The following ARHGAP28 variants were observed in gnomAD, a reference collection of about 807,000 sequenced individuals.
ARHGAP28 encodes Rho GTPase activating protein 28.
Under a neutral mutation model 90.7 loss-of-function variants are expected in ARHGAP28, and 56 were observed. The observed-to-expected ratio is 0.62, with a 90% CI of 0.50 to 0.77. ARHGAP28 has a LOEUF of 0.77. Ranked by LOEUF, ARHGAP28 falls within the 30% of genes least tolerant of loss-of-function variation. The probability of loss-of-function intolerance (pLI) is 0.00; values close to 1 mark genes in which losing one functional copy is unlikely to be tolerated. For missense variants in ARHGAP28, 869 were observed against 900.9 expected (o/e 0.96, Z 0.45); for synonymous variants, 308 against 323.3 (o/e 0.95, Z 0.51).
At chr18:6,771,651 C>T (rs2056243839) in intron 1 of ARHGAP28, among the ~76,000 whole-genome samples, 1 of 152,182 alleles carries the variant, frequency 6.6e-6, no homozygotes, top group Non-Finnish European at 1.5e-5. Context: ...GATCTGTGGT[C>T]CTTAGTGACC....
At position 6,896,899 on chromosome 18, in the gene ARHGAP28, CTTTTATTTTA is replaced by C. The variant is rs1222805432; in HGVS notation, c.2030+287_2030+296del. 2.3e-5 allele frequency: 6 copies of C among 263,556 alleles called. No homozygotes were observed. The East Asian group carries it at 4.5e-4, about 20-fold the overall frequency. 16.3% of individuals were successfully genotyped at this position (263,556 alleles called of 1,614,324 possible). On this transcript the variant is annotated intron_variant, in intron 16 of 17. Transcript: ENST00000383472. ...GCTTCATTTATTCAGTGAGTTTTAC[CTTTTATTTTA>C]TTTTATTTTATTTATTTTTTGAGAT... is the stretch of plus-strand genomic sequence containing the variant.
intron 1 of ARHGAP28, among the ~76,000 whole-genome samples, chr18:6,812,756 T>C (rs2056565962): frequency 6.6e-6 from 1 of 152,172 alleles, no homozygotes; most frequent in Non-Finnish European, 1.5e-5. Context: ...ATCAAATTAT[T>C]TATTTGATTC....
rs751248905 is a variant in ARHGAP28 at position 6,887,142 on chromosome 18, C to G, written c.1454-15C>G. On this transcript the variant is annotated splice_polypyrimidine_tract_variant and intron_variant, in intron 11 of 17. Coordinates refer to ENST00000383472, the MANE Select transcript of ARHGAP28 (RefSeq NM_001366230.1). ...GGCTATTTAAAATGTATGACTATTT[C>G]TGTTTTCTTGTTAGGAGGGCCTCAC... 7.5e-6 allele frequency: 12 copies of G among 1,610,300 alleles called. No individual in the cohort carries two copies. In the Admixed American group the frequency reaches 1.7e-4, roughly 22 times the overall value.
intron 10 of ARHGAP28, among the ~76,000 whole-genome samples, chr18:6,881,773 A>G (rs1000146518): frequency 6.6e-6 from 1 of 152,206 alleles, no homozygotes; most frequent in Non-Finnish European, 1.5e-5. Flanking sequence ...AGGGATTATG[A>G]AAAGAGGGGG....
At chr18:6,871,139 A>T (rs1474603701) in intron 7 of ARHGAP28, among the ~76,000 whole-genome samples, 2 of 152,058 alleles carry the variant, frequency 1.3e-5, no homozygotes, top group Non-Finnish European at 2.9e-5. Context: ...GTGCACGGGG[A>T]TTTCAGCGGC....
intron 1 of ARHGAP28, among the ~76,000 whole-genome samples, chr18:6,798,587 A>C (rs1300202301): frequency 6.6e-6 from 1 of 152,214 alleles, no homozygotes; most frequent in Non-Finnish European, 1.5e-5. Flanking sequence ...TAGGTGAAGT[A>C]ACTCAGGAAT....
rs2056907733 is a variant in ARHGAP28, at chr18:6,851,150, G to A, written c.636+24G>A. 1.2e-5 allele frequency: 20 copies of A among 1,601,998 alleles called. No individual in the cohort carries two copies. The East Asian group carries it at 4.2e-4, about 34-fold the overall frequency. ...TGGTAAGTTATAGTTGTGGGGGGAT[G>A]GTGGTAGGCATGAAATAAGCCATTT... On this transcript the variant is annotated intron_variant, in intron 4 of 17. Coordinates refer to ENST00000383472, the MANE Select transcript of ARHGAP28 (RefSeq NM_001366230.1).
chr18:6,802,832 T>C (rs569777600), intron 1 of ARHGAP28, among the ~76,000 whole-genome samples: 1 of 152,318 alleles, frequency 6.6e-6, no homozygotes, highest in South Asian at 2.1e-4. Context: ...ATCTTGCACA[T>C]CTTTTGTTAG....
Position 6,859,915 on chromosome 18 carries a change from GCA to G in ARHGAP28, c.726+21_726+22del. On this transcript the variant is annotated intron_variant, in intron 5 of 17. Coordinates refer to ENST00000383472, the MANE Select transcript of ARHGAP28 (RefSeq NM_001366230.1). The stretch of plus-strand genomic sequence containing the variant: ...ACTCTGTGGTAAGTCATCCATGTCA[GCA>G]CAGTTACATGTCAAGGTACAGTTGC... 10 of 1,604,988 alleles carry G rather than the reference GCA, an allele frequency of 6.2e-6. No homozygotes were observed. Among genetic ancestry groups the G allele is most frequent in the Non-Finnish European group, 8.5e-6 (10 of 1,172,014 alleles).
intron 1 of ARHGAP28, among the ~76,000 whole-genome samples, chr18:6,770,187 A>G (rs2056230999): frequency 6.6e-6 from 1 of 152,240 alleles, no homozygotes; most frequent in South Asian, 2.1e-4. Flanking sequence ...ATGGACATAA[A>G]TGATCTTCTC....
chr18:6,764,260 C>T (rs2056183583), intron 1 of ARHGAP28, among the ~76,000 whole-genome samples: 2 of 152,046 alleles, frequency 1.3e-5, no homozygotes, highest in African/African-American at 4.8e-5. Context: ...GTGTATAAGC[C>T]CACGTCCAAA....
At chr18:6,744,746 G>A (rs1432828057) in intron 1 of ARHGAP28, among the ~76,000 whole-genome samples, 1 of 152,080 alleles carries the variant, frequency 6.6e-6, no homozygotes, top group African/African-American at 2.4e-5. Context: ...GAAAAATGTA[G>A]CCTGTCCAAT....
intron 5 of ARHGAP28, among the ~76,000 whole-genome samples, chr18:6,867,542 A>C (rs1192514958): frequency 6.6e-6 from 1 of 152,150 alleles, no homozygotes; most frequent in Non-Finnish European, 1.5e-5. Context: ...ATAGGTACTC[A>C]ACTTCTGATA....
At chr18:6,859,095 C>A (rs2376529) in intron 4 of ARHGAP28, among the ~76,000 whole-genome samples, 81,069 of 149,966 alleles carry the variant, frequency 0.54, 22,421 homozygotes, top group Non-Finnish European at 0.61. Flanking sequence ...ACAACAACAA[C>A]AAAAAACAAA....
At chr18:6,760,135 A>G (rs1406727012) in intron 1 of ARHGAP28, among the ~76,000 whole-genome samples, 2 of 152,290 alleles carry the variant, frequency 1.3e-5, no homozygotes, top group East Asian at 1.9e-4. Flanking sequence ...CACAAACTAC[A>G]TGTTTTGGAG....
Position 6,900,954 on chromosome 18 carries a change from GGAAGCCAT to G in ARHGAP28, c.2030+4333_2030+4340del, listed in dbSNP as rs1344090677. Reference sequence around the variant, plus strand: ...TTCAAATAATAGCAGATTTCTCTTCGGAAGCCATGAAGGCTGGAAGGAAGTGGCATAAC... The same window carrying G: ...TTCAAATAATAGCAGATTTCTCTTCGGAAGGCTGGAAGGAAGTGGCATAAC... On this transcript the variant is annotated intron_variant, in intron 16 of 17. Transcript: ENST00000383472. Among the ~76,000 whole-genome samples the G allele has an allele frequency of 3.9e-4, 60 of 152,198 alleles. No individual in the cohort carries two copies. The South Asian group carries it at 0.011, about 27-fold the overall frequency.
At chr18:6,796,381 T>A (rs2056442028) in intron 1 of ARHGAP28, among the ~76,000 whole-genome samples, 2 of 152,154 alleles carry the variant, frequency 1.3e-5, no homozygotes, top group Admixed American at 1.3e-4. Context: ...CGAGCACCCC[T>A]GCTATACTCC....
At chr18:6,819,843 A>C (rs2056615227) in intron 1 of ARHGAP28, among the ~76,000 whole-genome samples, 1 of 152,172 alleles carries the variant, frequency 6.6e-6, no homozygotes, top group Non-Finnish European at 1.5e-5. Flanking sequence ...ATGAAAACTA[A>C]TGTAAATTGC....
chr18:6,841,167 C>CCTCTCTCTCTCTCTCCTCT, intron 3 of ARHGAP28, among the ~76,000 whole-genome samples: 1 of 79,996 alleles, frequency 1.3e-5, no homozygotes, highest in South Asian at 3.9e-4. Flanking sequence ...TTCTCTCTCT[C>CCTCTCTCTCTCTCTCCTCT]CTCTCTCTCT....
Sources: gnomAD v4.1 joint callset for allele counts (sites outside exome capture counted in the v4.1 genomes callset) on GRCh38, gnomAD v4.1.1 for gene constraint, MANE v1.5 for transcripts, NCBI Gene and HGNC (gene_info 2026-07-23, HGNC 2026-07-21) for gene names.